Variants in PTPRD observed in about 807,000 individuals in gnomAD.
The protein encoded by PTPRD is receptor-type tyrosine-protein phosphatase delta.
A neutral mutation model predicts 214.5 loss-of-function variants in PTPRD; 34 were observed. The ratio of observed to expected loss-of-function variants is 0.16; its 90% CI spans 0.12 to 0.21. The LOEUF is 0.21. Ranked by LOEUF, PTPRD falls within the 10% of genes least tolerant of loss-of-function variation. The pLI, the probability that PTPRD is intolerant of heterozygous loss-of-function variation, is 1.00. For synonymous variants in PTPRD, 1,128 were observed against 845.7 expected (o/e 1.33, Z -5.79); for missense variants, 2,545 against 2,398.7 (o/e 1.06, Z -1.27).
At chr9:8,831,508 A>G (rs907879956) in intron 11 of PTPRD, among the ~76,000 whole-genome samples, 4 of 152,188 alleles carry the variant, frequency 2.6e-5, no homozygotes, top group Admixed American at 2.0e-4. Context: ...CATACAATTA[A>G]AAAGCAAATC....
intron 3 of PTPRD, among the ~76,000 whole-genome samples, chr9:10,204,528 A>C (rs1348055154): frequency 6.6e-6 from 1 of 152,138 alleles, no homozygotes; most frequent in Non-Finnish European, 1.5e-5. Context: ...CAAGCAGATA[A>C]ATTGAGATGA....
At chr9:9,548,686 A>C (rs2079447291) in intron 8 of PTPRD, among the ~76,000 whole-genome samples, 1 of 152,134 alleles carries the variant, frequency 6.6e-6, no homozygotes, top group Admixed American at 6.6e-5. Context: ...AAAACGATGT[A>C]TTATAAGCAC....
At chr9:9,867,833 A>T (rs888381469) in intron 5 of PTPRD, among the ~76,000 whole-genome samples, 2 of 152,190 alleles carry the variant, frequency 1.3e-5, no homozygotes, top group East Asian at 1.9e-4. Context: ...AGTGAAGAAG[A>T]TTCAAAATGG....
chr9:8,321,698 A>ATTAT (rs530234135), intron 44 of PTPRD, among the ~76,000 whole-genome samples: 308 of 151,726 alleles, frequency 2.0e-3, no homozygotes, highest in African/African-American at 6.7e-3. Flanking sequence ...TTCCTTAGAG[A>ATTAT]TTATTTTAGA....
intron 8 of PTPRD, among the ~76,000 whole-genome samples, chr9:9,429,507 T>C (rs932616701): frequency 4.6e-5 from 7 of 152,180 alleles, no homozygotes; most frequent in East Asian, 1.9e-4. Context: ...TATGAAACTA[T>C]TCCAATCAGT....
At chr9:9,093,665 TG>T (rs139556355) in intron 10 of PTPRD, among the ~76,000 whole-genome samples, 19,874 of 150,822 alleles carry the variant, frequency 0.13, 1,520 homozygotes, top group East Asian at 0.23. Flanking sequence ...TGTTAAAATT[TG>T]GGCGGGGGGG....
chr9:8,386,540 G>A (rs1029521539), intron 37 of PTPRD, among the ~76,000 whole-genome samples: 2 of 152,092 alleles, frequency 1.3e-5, no homozygotes, highest in Non-Finnish European at 2.9e-5. Context: ...TACGTTACCT[G>A]GACTACCTCC....
At chr9:9,878,017 A>G (rs184943106) in intron 5 of PTPRD, among the ~76,000 whole-genome samples, 2 of 150,816 alleles carry the variant, frequency 1.3e-5, no homozygotes, top group Admixed American at 6.6e-5. Context: ...CCTTCTCACT[A>G]TATCCATCGG....
intron 2 of PTPRD, among the ~76,000 whole-genome samples, chr9:10,433,834 T>G (rs902421283): frequency 6.6e-6 from 1 of 151,968 alleles, no homozygotes; most frequent in Non-Finnish European, 1.5e-5. Flanking sequence ...AAGAAAACTC[T>G]TTATAAAGTG....
At chr9:9,200,033 A>G (rs564947930) in intron 9 of PTPRD, among the ~76,000 whole-genome samples, 1 of 152,278 alleles carries the variant, frequency 6.6e-6, no homozygotes, top group South Asian at 2.1e-4. Context: ...CTGAAATGTT[A>G]ATCAAATCAA....
intron 8 of PTPRD, among the ~76,000 whole-genome samples, chr9:9,465,179 T>C (rs2094031316): frequency 6.6e-6 from 1 of 152,332 alleles, no homozygotes; most frequent in East Asian, 1.9e-4. Flanking sequence ...TAATAAGCTG[T>C]AGAAATGTAC....
intron 7 of PTPRD, among the ~76,000 whole-genome samples, chr9:9,576,001 G>A (rs1412335390): frequency 2.0e-5 from 3 of 151,906 alleles, no homozygotes; most frequent in Non-Finnish European, 2.9e-5. Context: ...TAAATGACTG[G>A]TAGGTCTACA....
intron 9 of PTPRD, among the ~76,000 whole-genome samples, chr9:9,373,236 A>T (rs2059984875): frequency 6.6e-6 from 1 of 152,080 alleles, no homozygotes; most frequent in Non-Finnish European, 1.5e-5. Flanking sequence ...GTAATCGTGG[A>T]CAAGCTACTT....
At chr9:10,465,193 G>C (rs980470880) in intron 2 of PTPRD, among the ~76,000 whole-genome samples, 1 of 152,134 alleles carries the variant, frequency 6.6e-6, no homozygotes, top group African/African-American at 2.4e-5. Context: ...TAATATTTAT[G>C]TAATTCAGCA....
chr9:8,891,438 A>AT (rs201289782), intron 11 of PTPRD, among the ~76,000 whole-genome samples: 24,895 of 145,132 alleles, frequency 0.17, 2,583 homozygotes, highest in East Asian at 0.37. Context: ...GGTCAATCTA[A>AT]TTTTTTTTTT....
Position 8,317,870 on chromosome 9 carries a change from G to A in PTPRD, c.*4C>T, listed in dbSNP as rs1178876431. 12 of 1,611,940 alleles carry A rather than the reference G, an allele frequency of 7.4e-6. No individual in the cohort carries two copies. The highest frequency in any genetic ancestry group is 1.7e-5 in the Admixed American group (1 of 59,908). On this transcript the variant is annotated 3_prime_UTR_variant, in exon 46 of 46. Coordinates refer to ENST00000381196, the MANE Select transcript of PTPRD (RefSeq NM_002839.4). ...AGTAAAAATCCAGAATGGGTCAGGG[G>A]TTTCTACGTTGCATAGTGGTCAAAG...
At chr9:10,077,465 T>C (rs1305297454) in intron 3 of PTPRD, among the ~76,000 whole-genome samples, 1 of 152,178 alleles carries the variant, frequency 6.6e-6, no homozygotes, top group African/African-American at 2.4e-5. Flanking sequence ...TCAGAATCTG[T>C]ATTTAAACAC....
intron 2 of PTPRD, among the ~76,000 whole-genome samples, chr9:10,411,824 T>G (rs1177145939): frequency 6.6e-6 from 1 of 151,754 alleles, no homozygotes; most frequent in Non-Finnish European, 1.5e-5. Context: ...TATGATCAAG[T>G]TAAAACATTA....
intron 7 of PTPRD, among the ~76,000 whole-genome samples, chr9:9,584,159 C>G (rs2091445489): frequency 6.6e-6 from 1 of 151,836 alleles, no homozygotes; most frequent in Non-Finnish European, 1.5e-5. Context: ...TACTAGCAAG[C>G]TATGTAAAGC....
Sources: gnomAD v4.1 joint callset for allele counts (sites outside exome capture counted in the v4.1 genomes callset) on GRCh38, gnomAD v4.1.1 for gene constraint, MANE v1.5 for transcripts, NCBI Gene and HGNC (gene_info 2026-07-23, HGNC 2026-07-21) for gene names.